Variants in HEXIM2 observed in about 807,000 individuals in gnomAD.
HEXIM2 encodes HEXIM P-TEFb complex subunit 2, also known as protein HEXIM2.
For missense variants in HEXIM2, 413 were observed against 390.8 expected (o/e 1.06, Z -0.48); for synonymous variants, 159 against 162.7 (o/e 0.98, Z 0.17).
chr17:45,160,926 C>A (rs1055212844), upstream of HEXIM2: 7 of 1,289,586 alleles, frequency 5.4e-6, no homozygotes, highest in African/African-American at 1.1e-4. Context: ...GGCGAGATGG[C>A]GCTTTGGTGT....
At chr17:45,168,423 G>C (rs1206104290) in intron 3 of HEXIM2, among the ~76,000 whole-genome samples, 1 of 151,558 alleles carries the variant, frequency 6.6e-6, no homozygotes, top group African/African-American at 2.4e-5. Context: ...ACAGTGAGCC[G>C]AGATTGCACC....
rs1043227330 is a variant in HEXIM2, at chr17:45,169,861, C to T, written c.*52C>T. 2 of 1,394,876 alleles carry T rather than the reference C, an allele frequency of 1.4e-6. No homozygotes were observed. Among genetic ancestry groups the T allele is most frequent in the African/African-American group, 2.9e-5 (2 of 69,032 alleles). 86.4% of individuals were successfully genotyped at this position (1,394,876 alleles called of 1,614,324 possible). On this transcript the variant is annotated 3_prime_UTR_variant, in exon 4 of 4. Coordinates refer to ENST00000589230, the MANE Select transcript of HEXIM2 (RefSeq NM_001303441.2). ...AGGAGAAGGTCCCATTTCGTGCACA[C>T]TCAGGCCAGCTGGGTCTCAAGGAGG...
chr17:45,166,103 ATCT>A (rs1483694187), intron 3 of HEXIM2, among the ~76,000 whole-genome samples: 1 of 149,748 alleles, frequency 6.7e-6, no homozygotes, highest in Non-Finnish European at 1.5e-5. Context: ...GGCCCGCTGC[ATCT>A]TCTTTATGCC....
At chr17:45,162,441 T>G in intron 1 of HEXIM2, 47 bp from the exon 2 acceptor site, 1 of 1,093,404 alleles carries the variant, frequency 9.1e-7, no homozygotes, top group Non-Finnish European at 1.1e-6. Context: ...GAAACAAAAC[T>G]TACACCTGGC....
upstream of HEXIM2, chr17:45,160,722 A>C (rs2042661636): frequency 2.6e-6 from 1 of 390,284 alleles, no homozygotes. Context: ...TTTCACCAAG[A>C]GGCTGGCGAC....
upstream of HEXIM2, chr17:45,161,294 G>A (rs1319527110): frequency 1.9e-5 from 6 of 312,538 alleles, no homozygotes; most frequent in Non-Finnish European, 3.2e-5. Context: ...GAGGCTGCGG[G>A]GCTGCCGGGA....
upstream of HEXIM2, chr17:45,161,224 C>T (rs900403851): frequency 3.7e-5 from 13 of 353,190 alleles, no homozygotes; most frequent in Admixed American, 4.9e-4. Context: ...AGCCTCTCCC[C>T]TTCTGGGGTC....
intron 3 of HEXIM2, among the ~76,000 whole-genome samples, 179 bp downstream of exon 3, chr17:45,163,038 A>C (rs538795283): frequency 6.6e-6 from 1 of 152,328 alleles, no homozygotes; most frequent in East Asian, 1.9e-4. Context: ...AAATCTTAGT[A>C]ACTGGCCGGG....
intron 3 of HEXIM2, 173 bp from the exon 4 acceptor site, chr17:45,168,842 C>T (rs775725355): frequency 3.4e-5 from 23 of 684,124 alleles, no homozygotes; most frequent in Admixed American, 1.9e-4. Flanking sequence ...GGTTGGGGGA[C>T]AGACAGTAGA....
upstream of HEXIM2, chr17:45,160,682 C>G: frequency 2.8e-6 from 1 of 354,582 alleles, no homozygotes; most frequent in South Asian, 2.1e-5. Flanking sequence ...TGTAAACTTT[C>G]AAGAGAAGTG....
Position 45,169,349 on chromosome 17 carries a change from A to C in HEXIM2, c.401A>C (p.Lys134Thr). The change falls in exon 4 of 4, where the codon AAA (lysine) becomes ACA (threonine). Residue 134 changes from lysine (K) to threonine (T), a missense_variant. Transcript: ENST00000589230. ...CGGGTCCGCGAAGAGATGTTCGCCA[A>C]AGGCCAGCCCGTGGCCCCCTACAAC... ...ASRVREEMFA[K>T]GQPVAPYNTT... The C allele has an allele frequency of 6.2e-7, 1 of 1,613,894 alleles. No homozygotes were observed. The highest frequency in any genetic ancestry group is 8.5e-7 in the Non-Finnish European group (1 of 1,180,016).
At chr17:45,162,448 T>C in intron 1 of HEXIM2, 40 bp from the exon 2 acceptor site, 1 of 1,093,962 alleles carries the variant, frequency 9.1e-7, no homozygotes, top group Non-Finnish European at 1.1e-6. Flanking sequence ...AACTTACACC[T>C]GGCTTCCTGG....
chr17:45,169,117 G>C lies in HEXIM2; in HGVS notation c.169G>C (p.Asp57His), dbSNP rs556056680. The C allele has an allele frequency of 5.0e-6, 8 of 1,613,958 alleles. No homozygotes were observed. The highest frequency in any genetic ancestry group is 6.8e-6 in the Non-Finnish European group (8 of 1,180,050). ...GATGGAGAGCCACTCAGAGGATGAA[G>C]ATCTTGCTGGGGCTGTCGGTGGCCT... ...PRMESHSEDE[D>H]LAGAVGGLGW... The change falls in exon 4 of 4, where the codon GAT (aspartate) becomes CAT (histidine). Residue 57 changes from aspartate (D) to histidine (H), a missense_variant. Asp to His is a moderately conservative substitution (Grantham distance 81). Transcript: ENST00000589230.
At chr17:45,168,518 G>A (rs990770301) in intron 3 of HEXIM2, among the ~76,000 whole-genome samples, 4 of 149,184 alleles carry the variant, frequency 2.7e-5, no homozygotes, top group African/African-American at 9.9e-5. Flanking sequence ...TGAATAACAT[G>A]TTTAAGAGAA....
In HEXIM2 at chr17:45,169,647, G is replaced by T. The variant is rs1357182299; in HGVS notation, c.699G>T (p.Arg233Ser). 1.4e-5 allele frequency: 22 copies of T among 1,532,580 alleles called. No homozygotes were observed. The highest frequency in any genetic ancestry group is 1.7e-5 in the Non-Finnish European group (19 of 1,137,148). The allele number at this position is 1,532,580 out of a possible 1,614,324, so 94.9% of individuals were successfully genotyped here. The change falls in exon 4 of 4, where the codon AGG becomes AGT. Residue 233 changes from arginine (R) to serine (S), a missense_variant. Physicochemically the swap from Arg to Ser is moderately radical, Grantham distance 110 (BLOSUM62 -1). Coordinates refer to ENST00000589230, the MANE Select transcript of HEXIM2 (RefSeq NM_001303441.2). ...CGCAGGCGGAGGAGGAGACTAGGAG[G>T]CTGCAGCAGCTGCAGGCGTGCACCG... ...RLSQAEEETR[R>S]LQQLQACTGQ...
upstream of HEXIM2, chr17:45,160,948 G>A: frequency 7.8e-7 from 1 of 1,289,806 alleles, no homozygotes; most frequent in Non-Finnish European, 1.0e-6. Context: ...AGCGAGGTAA[G>A]GTGGGTGCAC....
chr17:45,169,376 C>A lies in HEXIM2; in HGVS notation c.428C>A (p.Thr143Asn). The A allele has an allele frequency of 6.2e-7, 1 of 1,613,998 alleles. No individual in the cohort carries two copies. ...AKGQPVAPYN[T>N]TQFLMNDRDP... ...GGCCAGCCCGTGGCCCCCTACAACA[C>A]CACCCAGTTCCTGATGAATGACAGG... The change falls in exon 4 of 4, where the codon ACC becomes AAC. Residue 143 changes from threonine (T) to asparagine (N), a missense_variant. By Grantham distance (65) the Thr-to-Asn change is moderately conservative (BLOSUM62 0). Transcript: ENST00000589230.
chr17:45,165,440 G>A (rs1039781123), intron 3 of HEXIM2, among the ~76,000 whole-genome samples: 1 of 152,046 alleles, frequency 6.6e-6, no homozygotes, highest in East Asian at 1.9e-4. Flanking sequence ...TCTGAACTGC[G>A]TTGCATATTA....
chr17:45,161,880 T>A lies in HEXIM2; in HGVS notation c.-344T>A. The A allele has an allele frequency of 1.0e-6, 1 of 985,684 alleles. No homozygotes were observed. Among genetic ancestry groups the A allele is most frequent in the Non-Finnish European group, 1.2e-6 (1 of 830,168 alleles). 61.1% of individuals were successfully genotyped at this position (985,684 alleles called of 1,614,324 possible). A position where few individuals can be genotyped will look rare whatever the true frequency, so the allele number is the denominator to read the frequency against. On this transcript the variant is annotated 5_prime_UTR_variant, in exon 1 of 4. Coordinates refer to ENST00000589230, the MANE Select transcript of HEXIM2 (RefSeq NM_001303441.2). ...AGGCACCGCGCGTCCAGGCTCTCTC[T>A]TCCCCCCCATCTTAGTGGCCTGAGC...
Sources: gnomAD v4.1 joint callset for allele counts (sites outside exome capture counted in the v4.1 genomes callset) on GRCh38, gnomAD v4.1.1 for gene constraint, MANE v1.5 for transcripts, NCBI Gene and HGNC (gene_info 2026-07-23, HGNC 2026-07-21) for gene names.